ADGRL2: variants seen among roughly 807,000 people sequenced by gnomAD.
ADGRL2 encodes the protein adhesion G protein-coupled receptor L2.
ADGRL2 carries 44 observed loss-of-function variants against 157.4 expected under a neutral mutation model. That is an observed-to-expected ratio of 0.28 (90% CI 0.22 to 0.36). ADGRL2 has a LOEUF of 0.36. ADGRL2 is among the 10% of genes least tolerant of loss of function. The pLI, the probability that ADGRL2 is intolerant of heterozygous loss-of-function variation, is 1.00. For missense variants in ADGRL2, 1,510 were observed against 1,768.9 expected, an observed-to-expected ratio of 0.85 and a Z score of 2.63; for synonymous variants, 585 against 624.7, an observed-to-expected ratio of 0.94 and a Z score of 0.95.
chr1:81,664,137 C>T (rs371490937), intron 3 of ADGRL2, among the ~76,000 whole-genome samples: 20 of 152,014 alleles, frequency 1.3e-4, no homozygotes, highest in African/African-American at 3.6e-4. Context: ...TATCCAGATC[C>T]GGAAAATCTT....
At chr1:81,401,805 A>T (rs7536497) in intron 1 of ADGRL2, among the ~76,000 whole-genome samples, 46,439 of 152,048 alleles carry the variant, frequency 0.31, 8,106 homozygotes, top group East Asian at 0.56. Flanking sequence ...GAGGACTAAA[A>T]CCCACATAAG....
At chr1:81,710,056 A>C (rs1486998455) in intron 1 of ADGRL2, among the ~76,000 whole-genome samples, 1 of 152,228 alleles carries the variant, frequency 6.6e-6, no homozygotes, top group Admixed American at 6.5e-5. Flanking sequence ...TTACAAGGCA[A>C]GAAACAAAGC....
At chr1:81,701,602 C>T (rs898132200) in intron 1 of ADGRL2, among the ~76,000 whole-genome samples, 2 of 152,162 alleles carry the variant, frequency 1.3e-5, no homozygotes, top group African/African-American at 4.8e-5. Context: ...ATCTGGACAA[C>T]ACCCTAGGGG....
chr1:81,934,930 G>A (rs1433039025), intron 3 of ADGRL2, among the ~76,000 whole-genome samples: 1 of 151,966 alleles, frequency 6.6e-6, no homozygotes, highest in East Asian at 1.9e-4. Context: ...ATGGGACCAA[G>A]TTAGTGATTT....
At chr1:81,431,788 A>T (rs535652012) in intron 1 of ADGRL2, among the ~76,000 whole-genome samples, 63 of 152,316 alleles carry the variant, frequency 4.1e-4, no homozygotes, top group African/African-American at 1.5e-3. Flanking sequence ...CTAATAAGGC[A>T]TACTTCCCAC....
intron 3 of ADGRL2, among the ~76,000 whole-genome samples, chr1:81,629,348 A>C (rs2081967784): frequency 6.6e-6 from 1 of 152,162 alleles, no homozygotes; most frequent in South Asian, 2.1e-4. Context: ...AAACATCCCT[A>C]TACCTTATAA....
rs189402240 is a variant in ADGRL2, at chr1:81,323,161, A to G, written c.-302+16652A>G. ...GTGTGAGCCACCGTGCCCGGCCTAT[A>G]AACATATATTAATTGCCATTTTGGC... On this transcript the variant is annotated intron_variant, in intron 1 of 24. Coordinates refer to the ADGRL2 transcript ENST00000370721. 7.0e-4 allele frequency among the ~76,000 whole-genome samples: 107 copies of G among 152,238 alleles called. 1 individual carries two copies. Among genetic ancestry groups the G allele is most frequent in the African/African-American group, 2.4e-3 (100 of 41,542 alleles).
At chr1:81,647,958 C>A (rs2082345723) in intron 3 of ADGRL2, among the ~76,000 whole-genome samples, 1 of 152,196 alleles carries the variant, frequency 6.6e-6, no homozygotes, top group Admixed American at 6.5e-5. Context: ...ATCTATAATT[C>A]AGCTCTGACT....
intron 4 of ADGRL2, among the ~76,000 whole-genome samples, chr1:81,938,355 A>G (rs1433292962): frequency 1.3e-5 from 2 of 151,722 alleles, no homozygotes; most frequent in African/African-American, 4.8e-5. Context: ...TTCTGGAGCC[A>G]GTTCCTGTAA....
chr1:81,387,445 G>A (rs111588067), intron 1 of ADGRL2, among the ~76,000 whole-genome samples: 3,968 of 152,072 alleles, frequency 0.026, 67 homozygotes, highest in Middle Eastern at 0.044. Flanking sequence ...TAACCAAAAA[G>A]GCAGGTTGTA....
intron 1 of ADGRL2, among the ~76,000 whole-genome samples, chr1:81,407,863 G>A (rs1410888649): frequency 5.9e-5 from 9 of 152,160 alleles, no homozygotes; most frequent in Admixed American, 5.9e-4. Context: ...TTTGTGACAT[G>A]TTAGCAAAAT....
At chr1:81,375,592 A>G (rs1284421119) in intron 1 of ADGRL2, among the ~76,000 whole-genome samples, 2 of 152,232 alleles carry the variant, frequency 1.3e-5, no homozygotes, top group Admixed American at 1.3e-4. Context: ...TACCATCTTT[A>G]GATGCTTCTA....
At chr1:81,534,521 A>C (rs2079686687) in intron 2 of ADGRL2, among the ~76,000 whole-genome samples, 1 of 152,208 alleles carries the variant, frequency 6.6e-6, no homozygotes, top group South Asian at 2.1e-4. Flanking sequence ...TACCAGATCA[A>C]AGCACTCTCA....
chr1:81,369,720 T>G (rs2076129600), intron 1 of ADGRL2, among the ~76,000 whole-genome samples: 1 of 152,136 alleles, frequency 6.6e-6, no homozygotes, highest in Non-Finnish European at 1.5e-5. Context: ...AAAAATCCCT[T>G]TGGTTCAGAA....
intron 2 of ADGRL2, among the ~76,000 whole-genome samples, chr1:81,475,440 G>A (rs923843441): frequency 6.6e-6 from 1 of 152,052 alleles, no homozygotes. Flanking sequence ...TGACATAGGT[G>A]AGCTCTTTCT....
At chr1:81,678,232 G>A (rs963549161) in intron 3 of ADGRL2, among the ~76,000 whole-genome samples, 9 of 152,152 alleles carry the variant, frequency 5.9e-5, no homozygotes, top group Middle Eastern at 3.2e-3. Context: ...AGCCAAACAT[G>A]TGGCAGTATT....
chr1:81,861,810 G>C (rs2093397620), intron 2 of ADGRL2, among the ~76,000 whole-genome samples: 1 of 151,952 alleles, frequency 6.6e-6, no homozygotes, highest in Non-Finnish European at 1.5e-5. Context: ...TTGAACCTGG[G>C]AGGTGGTGGC....
intron 3 of ADGRL2, chr1:81,596,514 G>A: frequency 5.0e-6 from 2 of 398,548 alleles, no homozygotes; most frequent in Non-Finnish European, 9.7e-6. Context: ...CATGGCTGCT[G>A]CGCGGCTCCC....
At chr1:81,337,703 T>G (rs2100741049) in intron 1 of ADGRL2, among the ~76,000 whole-genome samples, 1 of 152,310 alleles carries the variant, frequency 6.6e-6, no homozygotes, top group South Asian at 2.1e-4. Flanking sequence ...CCTCCATTGG[T>G]CTACAGGATT....
Sources: gnomAD v4.1 joint callset for allele counts (sites outside exome capture counted in the v4.1 genomes callset) on GRCh38, gnomAD v4.1.1 for gene constraint, MANE v1.5 for transcripts, NCBI Gene and HGNC (gene_info 2026-07-23, HGNC 2026-07-21) for gene names.